The following C6 variants were observed in gnomAD, a reference collection of about 807,000 sequenced individuals.
C6 encodes complement C6, also known as complement component C6.
A neutral mutation model predicts 112.9 loss-of-function variants in C6; 101 were observed. The observed-to-expected ratio is 0.89, with a 90% CI of 0.76 to 1.06. The LOEUF is 1.06. C6 is among the 50% of genes least tolerant of loss of function. C6 has a pLI of 0.00. For synonymous variants in C6, 431 were observed against 384.1 expected (o/e 1.12, Z -1.43); for missense variants, 1,202 against 1,104.6 (o/e 1.09, Z -1.25).
At chr5:41,194,859 T>C (rs1414333446) in intron 5 of C6, among the ~76,000 whole-genome samples, 1 of 152,172 alleles carries the variant, frequency 6.6e-6, no homozygotes, top group East Asian at 1.9e-4. Context: ...GTGCTCATGA[T>C]TGGGTATTCC....
intron 1 of C6, among the ~76,000 whole-genome samples, chr5:41,253,845 G>C (rs1741515231): frequency 6.6e-6 from 1 of 152,136 alleles, no homozygotes; most frequent in South Asian, 2.1e-4. Flanking sequence ...TCCTAAAGGT[G>C]TTTTTGAGTT....
In C6 at chr5:41,172,248, T is replaced by G. The variant is rs1415185412; in HGVS notation, c.1268A>C (p.Asn423Thr). ...ACCTTCATGTTTCTCTGACAGCTTGTTGGTGGTGCACCTATGTTCCACTTT... is the reference window on the plus strand; with the variant it reads ...ACCTTCATGTTTCTCTGACAGCTTGGTGGTGGTGCACCTATGTTCCACTTT... The part of the protein sequence containing the change: ...KTKVEHRCTT[N>T]KLSEKHEGSF... The change falls in exon 9 of 18, where the codon AAC (asparagine) becomes ACC (threonine). Residue 423 changes from asparagine to threonine, a missense_variant. Coordinates refer to ENST00000337836, the MANE Select transcript of C6 (RefSeq NM_000065.5). 1 of 1,613,794 alleles carries G rather than the reference T, an allele frequency of 6.2e-7. No homozygotes were observed. The highest frequency in any genetic ancestry group is 8.5e-7 in the Non-Finnish European group (1 of 1,179,768).
intron 15 of C6, among the ~76,000 whole-genome samples, chr5:41,151,438 A>G (rs1746382054): frequency 6.6e-6 from 1 of 152,210 alleles, no homozygotes; most frequent in South Asian, 2.1e-4. Context: ...ATATTAGAAA[A>G]TGCTTAGTTT....
intron 9 of C6, among the ~76,000 whole-genome samples, chr5:41,166,108 T>G (rs369104889): frequency 1.8e-4 from 27 of 152,124 alleles, no homozygotes; most frequent in Non-Finnish European, 8.8e-5. Flanking sequence ...AGCTGAGAAT[T>G]TCTCTTAAAC....
upstream of C6, among the ~76,000 whole-genome samples, chr5:41,217,129 G>T (rs189464367): frequency 6.6e-6 from 1 of 151,788 alleles, no homozygotes; most frequent in Non-Finnish European, 1.5e-5. Flanking sequence ...CCTCTTCTTT[G>T]GGGGCCATTC....
intron 1 of C6, among the ~76,000 whole-genome samples, chr5:41,241,213 G>A (rs1447908243): frequency 2.0e-5 from 3 of 152,226 alleles, no homozygotes; most frequent in Non-Finnish European, 4.4e-5. Flanking sequence ...CTGGAGGCGG[G>A]GTGGGGTTCT....
intron 7 of C6, among the ~76,000 whole-genome samples, chr5:41,179,380 A>T (rs972154633): frequency 1.3e-5 from 2 of 152,166 alleles, no homozygotes; most frequent in African/African-American, 4.8e-5. Flanking sequence ...CCTATGTCTC[A>T]TACAAACATG....
At chr5:41,235,620 T>G (rs1171781199) in intron 1 of C6, among the ~76,000 whole-genome samples, 2 of 134,352 alleles carry the variant, frequency 1.5e-5, no homozygotes, top group African/African-American at 2.9e-5. Flanking sequence ...TCAAATGGTA[T>G]TTCTAGTTCT....
At chr5:41,252,826 T>C (rs1258433448) in intron 1 of C6, among the ~76,000 whole-genome samples, 10 of 152,200 alleles carry the variant, frequency 6.6e-5, no homozygotes, top group Non-Finnish European at 1.0e-4. Flanking sequence ...TTTCAACCAA[T>C]TGCCAATCAG....
Position 41,199,782 on chromosome 5 carries a change from A to C in C6, c.431T>G (p.Phe144Cys), listed in dbSNP as rs758621227. 2 of 1,613,738 alleles carry C rather than the reference A, an allele frequency of 1.2e-6. No homozygotes were observed. The highest frequency in any genetic ancestry group is 1.7e-6 in the Non-Finnish European group (2 of 1,179,706). Residue 144 changes from phenylalanine to cysteine, a missense_variant, in exon 4 of 18, where the codon TTT (phenylalanine) becomes TGT (cysteine). By Grantham distance (205) the Phe-to-Cys change is radical (BLOSUM62 -2). Transcript: ENST00000337836. ...AAATACATTACCACTGTCACAGCGA[A>C]ATTTATTCTTGCAGTCAGCCTCTTC... ...KIEEADCKNK[F>C]RCDSGRCIAR...
chr5:41,181,640 T>C (rs1749362229), intron 6 of C6, 81 bp from the exon 7 acceptor site: 1 of 1,144,052 alleles, frequency 8.7e-7, no homozygotes, highest in Non-Finnish European at 1.3e-6. Flanking sequence ...AATGATGATT[T>C]ATTTATTTAT....
rs763664640 is a variant in C6, at chr5:41,153,999, C to A, written c.2102-1G>T. The A allele has an allele frequency of 6.2e-7, 1 of 1,613,244 alleles. No individual in the cohort carries two copies. The highest frequency in any genetic ancestry group is 8.5e-7 in the Non-Finnish European group (1 of 1,179,414). On this transcript the variant is annotated splice_acceptor_variant, in intron 14 of 17. Transcript: ENST00000337836. LOFTEE classifies it high-confidence loss of function. ...ACAACTGGCTTGATGCACTCCGTCCCTGCAAGAGAGCAACATTTCATATGT... is the reference window on the plus strand; with the variant it reads ...ACAACTGGCTTGATGCACTCCGTCCATGCAAGAGAGCAACATTTCATATGT...
intron 7 of C6, among the ~76,000 whole-genome samples, chr5:41,179,487 A>G (rs1322794924): frequency 6.6e-6 from 1 of 151,998 alleles, no homozygotes; most frequent in Non-Finnish European, 1.5e-5. Flanking sequence ...AAAATAAAAA[A>G]GGCCATATTC....
chr5:41,240,249 T>C (rs1740613875), intron 1 of C6, among the ~76,000 whole-genome samples: 1 of 152,140 alleles, frequency 6.6e-6, no homozygotes, highest in South Asian at 2.1e-4. Context: ...GGGACACCAG[T>C]CCAGTTTTGT....
At position 41,143,004 on chromosome 5, in the gene C6, A is replaced by T. The variant is rs770926440; in HGVS notation, c.2626T>A (p.Ser876Thr). 2 of 1,613,060 alleles carry T rather than the reference A, an allele frequency of 1.2e-6. No homozygotes were observed. The highest frequency in any genetic ancestry group is 1.7e-6 in the Non-Finnish European group (2 of 1,179,306). ...AATAGGCAGACACATTTGGAAGTGG[A>T]GGCTGTAATGAGAGAGAGAGAGACA... ...TCYDWEKCSA[S>T]TSKCVCLLPP... Residue 876 changes from serine (S) to threonine (T), a missense_variant and splice_region_variant, in exon 18 of 18, where the codon TCC becomes ACC. Coordinates refer to ENST00000337836, the MANE Select transcript of C6 (RefSeq NM_000065.5).
At chr5:41,244,682 C>G (rs986819911) in intron 1 of C6, among the ~76,000 whole-genome samples, 1 of 151,748 alleles carries the variant, frequency 6.6e-6, no homozygotes, top group African/African-American at 2.4e-5. Flanking sequence ...AGGGGAAGAG[C>G]ACTTCAAAGC....
At chr5:41,181,055 A>G (rs184442771) in intron 7 of C6, among the ~76,000 whole-genome samples, 13 of 152,172 alleles carry the variant, frequency 8.5e-5, no homozygotes, top group African/African-American at 3.1e-4. Context: ...TTGTCATATT[A>G]CATGAAAGGT....
intron 1 of C6, among the ~76,000 whole-genome samples, chr5:41,228,122 T>C: frequency 6.6e-6 from 1 of 152,170 alleles, no homozygotes; most frequent in East Asian, 1.9e-4. Flanking sequence ...TTCCATTTAC[T>C]TGTGTCTGCT....
At chr5:41,247,452 A>G (rs1741089791) in intron 1 of C6, among the ~76,000 whole-genome samples, 1 of 152,140 alleles carries the variant, frequency 6.6e-6, no homozygotes, top group African/African-American at 2.4e-5. Flanking sequence ...AAAAGTAAAA[A>G]TAAAATAAAA....
Sources: gnomAD v4.1 joint callset for allele counts (sites outside exome capture counted in the v4.1 genomes callset) on GRCh38, gnomAD v4.1.1 for gene constraint, MANE v1.5 for transcripts, NCBI Gene and HGNC (gene_info 2026-07-23, HGNC 2026-07-21) for gene names.